TTC23L: variants seen among roughly 807,000 people sequenced by gnomAD.
The protein encoded by TTC23L is tetratricopeptide repeat protein 23-like.
Under a neutral mutation model 48.1 loss-of-function variants are expected in TTC23L, and 42 were observed. The observed-to-expected ratio is 0.87, with a 90% CI of 0.68 to 1.13. The LOEUF is 1.13. Ranked by LOEUF, TTC23L falls within the 50% of genes most tolerant of loss-of-function variation. The pLI, the probability that TTC23L is intolerant of heterozygous loss-of-function variation, is 0.00. For synonymous variants in TTC23L, 159 were observed against 157.2 expected (o/e 1.01, Z -0.09); for missense variants, 391 against 421.0 (o/e 0.93, Z 0.62).
At chr5:34,882,658 CAAT>C (rs1044387251) in intron 9 of TTC23L, among the ~76,000 whole-genome samples, 2 of 148,840 alleles carry the variant, frequency 1.3e-5, no homozygotes, top group African/African-American at 5.1e-5. Context: ...CACACACACA[CAAT>C]ATCTTTTGAT....
the TTC23L span, chr5:34,913,365 T>C: frequency 5.2e-5 from 28 of 543,286 alleles, no homozygotes; most frequent in African/African-American, 4.0e-4. Context: ...GAAAAATGAA[T>C]TGGCATTAGC....
At chr5:34,924,984 T>G in the TTC23L span, 4 of 1,611,998 alleles carry the variant, frequency 2.5e-6, no homozygotes, top group East Asian at 8.9e-5. Context: ...TGGTAAGCGG[T>G]TGTGTCATTC....
chr5:34,845,799 A>T (rs1759071149), intron 3 of TTC23L, 126 bp downstream of exon 3: 4 of 1,020,350 alleles, frequency 3.9e-6, no homozygotes, highest in African/African-American at 1.6e-5. Context: ...CTTTGTAAGT[A>T]GCAGAAAACA....
the TTC23L span, chr5:34,915,870 G>A: frequency 1.3e-6 from 2 of 1,561,426 alleles, no homozygotes; most frequent in Non-Finnish European, 8.7e-7. Flanking sequence ...AAGAAGAGAG[G>A]GACCGGATCC....
At chr5:34,899,821 C>T (rs569081255), downstream of TTC23L, among the ~76,000 whole-genome samples, 19 of 152,186 alleles carry the variant, frequency 1.2e-4, no homozygotes, top group African/African-American at 3.9e-4. Context: ...GAACCGGGGT[C>T]GGAGGTTGCA....
At chr5:34,924,239 T>G in the TTC23L span, among the ~76,000 whole-genome samples, 2 of 152,178 alleles carry the variant, frequency 1.3e-5, no homozygotes, top group African/African-American at 4.8e-5. Flanking sequence ...GAACAAAATT[T>G]TAGACAGTAT....
rs138961912 is a variant in TTC23L at position 34,854,282 on chromosome 5, A to G, written c.379+3974A>G. ...ATGGGAAAGGCAGCTTGCTGGTCAG[A>G]TGAAGTGTCCACATGGTATAGTGGA... On this transcript the variant is annotated intron_variant, in intron 4 of 10. Transcript: ENST00000505624. 5.8e-4 allele frequency among the ~76,000 whole-genome samples: 89 copies of G among 152,342 alleles called. 1 individual carries two copies. Among genetic ancestry groups the G allele is most frequent in the Admixed American group, 1.7e-3 (26 of 15,306 alleles).
Position 34,863,943 on chromosome 5 carries a change from T to C in TTC23L, c.537-494T>C, listed in dbSNP as rs981415816. On this transcript the variant is annotated intron_variant, in intron 5 of 10. Transcript: ENST00000505624. This position sits in a 1 kb window ranked among gnomAD's most constrained non-coding sequence, Gnocchi z 4.1. ...CTGTTATACCCTTAGCAGGGGGCTA[T>C]TGAAAATGTGGGAAATAGAAGAATG... 1.3e-5 allele frequency among the ~76,000 whole-genome samples: 2 copies of C among 152,198 alleles called. No homozygotes were observed. Among genetic ancestry groups the C allele is most frequent in the African/African-American group, 4.8e-5 (2 of 41,444 alleles).
At position 34,892,106 on chromosome 5, in the gene TTC23L, TACA is replaced by T. The variant is rs1468640443; in HGVS notation, c.1078-4661_1078-4659del. 2.6e-5 allele frequency among the ~76,000 whole-genome samples: 4 copies of T among 152,348 alleles called. No homozygotes were observed. In the East Asian group the frequency reaches 5.8e-4, roughly 22 times the overall value. On this transcript the variant is annotated intron_variant, in intron 9 of 10. Coordinates refer to ENST00000505624, the Ensembl canonical transcript of TTC23L. ...GCCAAAGCCAGATGTCAAAACCTGG[TACA>T]ACGATTGCTGTCTCTTTGCAAACTT...
chr5:34,872,578 G>C (rs1206954224), intron 8 of TTC23L, among the ~76,000 whole-genome samples: 2 of 151,872 alleles, frequency 1.3e-5, no homozygotes, highest in East Asian at 3.9e-4. Context: ...ATAACTAGTA[G>C]GAGTGAGTGT....
intron 4 of TTC23L, among the ~76,000 whole-genome samples, chr5:34,854,434 G>A (rs149003195): frequency 1.1e-4 from 16 of 152,204 alleles, no homozygotes; most frequent in African/African-American, 3.9e-4. Flanking sequence ...TTTTATTTCA[G>A]TTTCTTCACT....
intron 5 of TTC23L, 74 bp from the exon 6 acceptor site, chr5:34,864,363 G>A (rs1580449392): frequency 1.3e-6 from 2 of 1,532,350 alleles, no homozygotes; most frequent in Non-Finnish European, 1.8e-6. Flanking sequence ...AGCCCCTTTT[G>A]TTTCCTTATC....
chr5:34,889,706 T>G (rs1192903276), intron 9 of TTC23L, among the ~76,000 whole-genome samples: 3 of 152,202 alleles, frequency 2.0e-5, no homozygotes, highest in African/African-American at 7.2e-5. Context: ...AAAGCATGTT[T>G]TCTTAATCAG....
At chr5:34,897,884 C>A (rs1763330803) in intron 10 of TTC23L, among the ~76,000 whole-genome samples, 1 of 152,162 alleles carries the variant, frequency 6.6e-6, no homozygotes. Flanking sequence ...ATCTCATCAA[C>A]TATTTAATCT....
At chr5:34,902,965 A>T (rs74946049), downstream of TTC23L, among the ~76,000 whole-genome samples, 1 of 138,450 alleles carries the variant, frequency 7.2e-6, no homozygotes, top group Non-Finnish European at 1.5e-5. Flanking sequence ...GACTGACATT[A>T]AAAAAAAAAA....
chr5:34,911,366 A>G, the TTC23L span, among the ~76,000 whole-genome samples: 2 of 152,228 alleles, frequency 1.3e-5, no homozygotes, highest in Admixed American at 6.5e-5. Flanking sequence ...TAAATATGAA[A>G]TAGTGAGTTA....
chr5:34,885,969 G>C (rs1013165140), intron 9 of TTC23L, among the ~76,000 whole-genome samples: 2 of 151,936 alleles, frequency 1.3e-5, no homozygotes, highest in Non-Finnish European at 2.9e-5. Context: ...CTTTTCTGAA[G>C]GTTTGAAAAA....
chr5:34,853,679 T>G (rs4703480), intron 4 of TTC23L, among the ~76,000 whole-genome samples: 21,777 of 152,086 alleles, frequency 0.14, 1,852 homozygotes, highest in South Asian at 0.28. Flanking sequence ...GAGAGGGTTT[T>G]GAAAAGAAGT....
the TTC23L span, among the ~76,000 whole-genome samples, chr5:34,914,285 G>A: frequency 6.6e-6 from 1 of 152,198 alleles, no homozygotes; most frequent in Non-Finnish European, 1.5e-5. Context: ...CCACTTACCA[G>A]CTGTGGGACT....
Sources: gnomAD v4.1 joint callset for allele counts (sites outside exome capture counted in the v4.1 genomes callset) on GRCh38, gnomAD v4.1.1 for gene constraint, Gnocchi (gnomAD v3.1) non-coding constraint, MANE v1.5 for transcripts, NCBI Gene and HGNC (gene_info 2026-07-23, HGNC 2026-07-21) for gene names.